The following MRPL1 variants were observed in gnomAD, a reference collection of about 807,000 sequenced individuals.
MRPL1 encodes large ribosomal subunit protein uL1m.
MRPL1 carries 28 observed loss-of-function variants against 38.0 expected under a neutral mutation model. The ratio of observed to expected loss-of-function variants is 0.74; its 90% CI spans 0.55 to 1.01. The LOEUF (loss-of-function observed/expected upper bound fraction) is 1.01. Among genes scored for constraint, MRPL1 ranks in the 50% least tolerant of loss-of-function variants. The pLI, the probability that MRPL1 is intolerant of heterozygous loss-of-function variation, is 0.00. For synonymous variants in MRPL1, 123 were observed against 126.7 expected (o/e 0.97, Z 0.20); for missense variants, 358 against 389.8 (o/e 0.92, Z 0.69).
At chr4:77,921,727 A>C (rs1578055437) in intron 7 of MRPL1, among the ~76,000 whole-genome samples, 1 of 152,142 alleles carries the variant, frequency 6.6e-6, no homozygotes, top group East Asian at 1.9e-4. Flanking sequence ...ACATAATAGC[A>C]ATCTTAACTT....
chr4:77,909,724 TG>T (rs1736243824), intron 7 of MRPL1, among the ~76,000 whole-genome samples: 1 of 152,190 alleles, frequency 6.6e-6, no homozygotes, highest in Non-Finnish European at 1.5e-5. Context: ...TGCATAATGC[TG>T]AGCACATAGT....
intron 7 of MRPL1, among the ~76,000 whole-genome samples, chr4:77,925,333 C>CTTTTTTTTTTTTTTTTTTTTTTTT (rs1242232262): frequency 6.9e-6 from 1 of 144,276 alleles, no homozygotes; most frequent in African/African-American, 2.5e-5. Flanking sequence ...TAATTAAGTA[C>CTTTTTTTTTTTTTTTTTTTTTTTT]TTTTTTTTTT....
chr4:77,910,867 G>A (rs186816651), intron 7 of MRPL1, among the ~76,000 whole-genome samples: 1 of 152,164 alleles, frequency 6.6e-6, no homozygotes, highest in Non-Finnish European at 1.5e-5. Context: ...ACTGAGCTCT[G>A]CTCCAGTCTA....
rs780572515 is a variant in MRPL1 at position 77,862,877 on chromosome 4, G to A, written c.29G>A (p.Arg10Lys). Residue 10 changes from arginine (R) to lysine (K), a missense_variant and splice_region_variant, in exon 1 of 9, where the codon AGA (arginine) becomes AAA (lysine). Coordinates refer to ENST00000315567, the MANE Select transcript of MRPL1 (RefSeq NM_020236.4). ...GCGGCGGCCGTAAGGTGCATGGGTA[G>A]AGGTAAGGCGAGGGGTTGTCTTGCA... MAAAVRCMG[R>K]ALIHHQRHSL... 2 of 1,614,186 alleles carry A rather than the reference G, an allele frequency of 1.2e-6. No individual in the cohort carries two copies. The highest frequency in any genetic ancestry group is 1.7e-6 in the Non-Finnish European group (2 of 1,180,022).
At chr4:77,862,949 G>T in intron 1 of MRPL1, 70 bp downstream of exon 1, 1 of 1,581,476 alleles carries the variant, frequency 6.3e-7, no homozygotes, top group Non-Finnish European at 8.7e-7. Context: ...CAGAGTGCAA[G>T]GCGGATTCTG....
intron 7 of MRPL1, among the ~76,000 whole-genome samples, chr4:77,932,927 C>CT (rs1477641208): frequency 6.7e-6 from 1 of 150,134 alleles, no homozygotes; most frequent in African/African-American, 2.5e-5. Context: ...GAGAAGGGAA[C>CT]TTTCCTTTTT....
chr4:77,896,433 A>G (rs747145860), intron 6 of MRPL1, among the ~76,000 whole-genome samples: 2 of 152,096 alleles, frequency 1.3e-5, no homozygotes, highest in Non-Finnish European at 2.9e-5. Context: ...TCACCCCAAC[A>G]TGATCTATTT....
At chr4:77,930,217 T>TA (rs1336492251) in intron 7 of MRPL1, among the ~76,000 whole-genome samples, 2 of 152,126 alleles carry the variant, frequency 1.3e-5, no homozygotes, top group African/African-American at 4.8e-5. Flanking sequence ...AAATCATGTC[T>TA]CCTTGTAGTA....
At chr4:77,872,863 A>C (rs1162921465) in intron 2 of MRPL1, among the ~76,000 whole-genome samples, 1 of 152,092 alleles carries the variant, frequency 6.6e-6, no homozygotes, top group Non-Finnish European at 1.5e-5. Flanking sequence ...ACTCCATCTC[A>C]AAACAAAAAA....
chr4:77,889,256 A>G (rs1258480011), intron 5 of MRPL1, among the ~76,000 whole-genome samples: 3 of 152,232 alleles, frequency 2.0e-5, no homozygotes, highest in Non-Finnish European at 4.4e-5. Context: ...GCAAATGTAA[A>G]AGAACAGAAA....
intron 6 of MRPL1, among the ~76,000 whole-genome samples, chr4:77,900,136 C>T (rs1338209591): frequency 6.6e-6 from 1 of 152,170 alleles, no homozygotes; most frequent in East Asian, 1.9e-4. Context: ...TCATTAGCTC[C>T]CTATCATTCC....
chr4:77,928,276 G>A (rs1216576095), intron 7 of MRPL1, among the ~76,000 whole-genome samples: 3 of 152,158 alleles, frequency 2.0e-5, no homozygotes, highest in African/African-American at 7.2e-5. Context: ...TGAATGTTCT[G>A]GAGTTCAGCC....
At chr4:77,885,215 G>T in intron 3 of MRPL1, 41 bp from the exon 4 acceptor site, 1 of 1,433,658 alleles carries the variant, frequency 7.0e-7, no homozygotes, top group South Asian at 1.1e-5. Flanking sequence ...AAATAGAAAA[G>T]ATTAACTTTA....
At chr4:77,945,270 A>C (rs1246632297) in intron 7 of MRPL1, among the ~76,000 whole-genome samples, 3 of 151,840 alleles carry the variant, frequency 2.0e-5, no homozygotes, top group Non-Finnish European at 4.4e-5. Flanking sequence ...GTTTTGGCTC[A>C]TCTTCAAAAG....
At chr4:77,890,848 C>T (rs1489396300) in intron 5 of MRPL1, among the ~76,000 whole-genome samples, 1 of 152,090 alleles carries the variant, frequency 6.6e-6, no homozygotes, top group Non-Finnish European at 1.5e-5. Context: ...GGAATTTTTG[C>T]CGGGGAGGAG....
At chr4:77,881,573 C>CT (rs1735542998) in intron 2 of MRPL1, among the ~76,000 whole-genome samples, 1 of 151,640 alleles carries the variant, frequency 6.6e-6, no homozygotes. Context: ...TCCTAAGTAG[C>CT]TGGGACCACA....
At chr4:77,868,398 C>T (rs1174501936) in intron 1 of MRPL1, among the ~76,000 whole-genome samples, 2 of 152,024 alleles carry the variant, frequency 1.3e-5, no homozygotes, top group Admixed American at 6.6e-5. Flanking sequence ...TGCCACCACA[C>T]CCGGCTAATT....
At chr4:77,928,757 T>C (rs1474100544) in intron 7 of MRPL1, among the ~76,000 whole-genome samples, 1 of 152,178 alleles carries the variant, frequency 6.6e-6, no homozygotes, top group Non-Finnish European at 1.5e-5. Flanking sequence ...CAGTATTTTA[T>C]GTTACATCAT....
At chr4:77,894,035 A>C (rs1355526724) in intron 5 of MRPL1, 104 bp from the exon 6 acceptor site, 2 of 694,958 alleles carry the variant, frequency 2.9e-6, no homozygotes, top group Non-Finnish European at 5.1e-6. Flanking sequence ...ATTGTGCTTA[A>C]TGTCTGTTTT....
Sources: gnomAD v4.1 joint callset for allele counts (sites outside exome capture counted in the v4.1 genomes callset) on GRCh38, gnomAD v4.1.1 for gene constraint, MANE v1.5 for transcripts, NCBI Gene and HGNC (gene_info 2026-07-23, HGNC 2026-07-21) for gene names.